The following PFKFB3 variants were observed in gnomAD, a reference collection of about 807,000 sequenced individuals.
PFKFB3 encodes the protein 6-phosphofructo-2-kinase/fructose-2,6-bisphosphatase 3.
A neutral mutation model predicts 68.0 loss-of-function variants in PFKFB3; 33 were observed. That is an observed-to-expected ratio of 0.49 (90% CI 0.37 to 0.65). PFKFB3 has a LOEUF of 0.65. Among genes scored for constraint, PFKFB3 ranks in the 30% least tolerant of loss-of-function variants. PFKFB3 has a pLI of 0.00. For missense variants in PFKFB3, 586 were observed against 712.2 expected, an observed-to-expected ratio of 0.82 and a Z score of 2.02; for synonymous variants, 315 against 288.2, an observed-to-expected ratio of 1.09 and a Z score of -0.94.
At chr10:6,286,013 T>C in the PFKFB3 span, among the ~76,000 whole-genome samples, 1 of 142,774 alleles carries the variant, frequency 7.0e-6, no homozygotes, top group African/African-American at 2.6e-5. Context: ...AGTCTCGCTC[T>C]GTCGCCCAGG....
intron 6 of PFKFB3, among the ~76,000 whole-genome samples, chr10:6,217,490 G>A (rs757039024): frequency 1.4e-4 from 22 of 152,256 alleles, no homozygotes; most frequent in Admixed American, 4.6e-4. Flanking sequence ...AGCTAGTGGT[G>A]ATGGAGCTGC....
intron 1 of PFKFB3, among the ~76,000 whole-genome samples, chr10:6,174,569 G>A (rs555013780): frequency 3.9e-5 from 6 of 152,244 alleles, no homozygotes; most frequent in East Asian, 1.9e-4. Context: ...CTTGTCAGGC[G>A]TGTTTCTGTT....
chr10:6,228,331 C>T lies in PFKFB3; in HGVS notation c.1515+1966C>T. 8.6e-7 allele frequency: 1 copy of T among 1,162,454 alleles called. No individual in the cohort carries two copies. Among genetic ancestry groups the T allele is most frequent in the Non-Finnish European group, 1.3e-6 (1 of 775,054 alleles). 72.0% of individuals were successfully genotyped at this position (1,162,454 alleles called of 1,614,324 possible). On this transcript the variant is annotated intron_variant, in intron 14 of 14. Transcript: ENST00000379775. The surrounding 1 kb of genome is among the most constrained non-coding windows in gnomAD (Gnocchi z 4.5). ...TGAGAGCAGTTTTGTGATGTGAGGT[C>T]TTCCGTGGGGGAAGGAGGAGATGGG... is the stretch of plus-strand genomic sequence containing the variant.
chr10:6,252,368 G>A (rs1846401350), intron 14 of PFKFB3, among the ~76,000 whole-genome samples: 1 of 152,100 alleles, frequency 6.6e-6, no homozygotes, highest in African/African-American at 2.4e-5. Context: ...GTATACTTGT[G>A]GATTAGTAAT....
chr10:6,212,677 G>A lies in PFKFB3; in HGVS notation c.77-946G>A, dbSNP rs1197052686. ...CTTCTAATTATTTTTTAATTTATTT[G>A]TTTGTAGAGGCAGGGCCTTGCTATG... On this transcript the variant is annotated intron_variant, in intron 1 of 14. Transcript: ENST00000379775. 2.0e-5 allele frequency among the ~76,000 whole-genome samples: 3 copies of A among 152,214 alleles called. No homozygotes were observed. In the East Asian group the frequency reaches 5.8e-4, roughly 29 times the overall value.
At chr10:6,298,471 C>G in the PFKFB3 span, among the ~76,000 whole-genome samples, 1 of 151,588 alleles carries the variant, frequency 6.6e-6, no homozygotes, top group African/African-American at 2.4e-5. Context: ...CTCCTGGGGT[C>G]AAGAGATCCT....
chr10:6,318,768 G>A, the PFKFB3 span, among the ~76,000 whole-genome samples: 1 of 152,198 alleles, frequency 6.6e-6, no homozygotes, highest in African/African-American at 2.4e-5. Flanking sequence ...TTCCCAGGAG[G>A]CAATCAGTCC....
the PFKFB3 span, among the ~76,000 whole-genome samples, chr10:6,301,903 T>C: frequency 6.6e-6 from 1 of 152,212 alleles, no homozygotes; most frequent in Non-Finnish European, 1.5e-5. Context: ...CTCTGATTAA[T>C]GACTAACCAA....
chr10:6,249,683 G>C (rs973286305), intron 14 of PFKFB3, among the ~76,000 whole-genome samples: 1 of 152,190 alleles, frequency 6.6e-6, no homozygotes, highest in Non-Finnish European at 1.5e-5. Flanking sequence ...ACAGAGGCTG[G>C]AGTATGGGAG....
At chr10:6,277,247 T>C in the PFKFB3 span, among the ~76,000 whole-genome samples, 1 of 151,942 alleles carries the variant, frequency 6.6e-6, no homozygotes, top group Non-Finnish European at 1.5e-5. Flanking sequence ...CTTTTCTTTT[T>C]TTTTGAGACA....
chr10:6,250,057 A>G (rs894689518), intron 14 of PFKFB3, among the ~76,000 whole-genome samples: 1 of 152,238 alleles, frequency 6.6e-6, no homozygotes, highest in African/African-American at 2.4e-5. Flanking sequence ...AGCATATTGC[A>G]TCAACCACCT....
intron 1 of PFKFB3, among the ~76,000 whole-genome samples, chr10:6,151,285 G>GGGGTTT (rs1361981763): frequency 6.6e-6 from 1 of 151,840 alleles, no homozygotes; most frequent in Non-Finnish European, 1.5e-5. Flanking sequence ...GAAGAGCAGC[G>GGGGTTT]GGGTTTGGTC....
intron 1 of PFKFB3, among the ~76,000 whole-genome samples, chr10:6,205,388 CTTTT>C (rs3084014): frequency 1.1e-3 from 118 of 106,514 alleles, no homozygotes; most frequent in African/African-American, 3.8e-3. Flanking sequence ...TTCTTTCTTC[CTTTT>C]TTTTTTTTTT....
At chr10:6,310,402 G>A in the PFKFB3 span, among the ~76,000 whole-genome samples, 5 of 152,062 alleles carry the variant, frequency 3.3e-5, no homozygotes, top group African/African-American at 7.2e-5. Flanking sequence ...CCAAAGCACA[G>A]AGCACAGAAA....
chr10:6,203,266 G>C lies in PFKFB3; in HGVS notation c.6G>C (p.Pro2=), dbSNP rs746264347. The stretch of plus-strand genomic sequence containing the variant: ...CGTCGGGCGCAGCCGCGAAGATGCC[G>C]TTGGAACTGACGCAGAGCCGAGTGC... M[P]LELTQSRVQK... Residue 2 remains proline (P), a synonymous_variant, in exon 1 of 15, where the codon CCG becomes CCC. Coordinates refer to ENST00000379775, the MANE Select transcript of PFKFB3 (RefSeq NM_004566.4). The C allele has an allele frequency of 1.2e-6, 2 of 1,610,022 alleles. No homozygotes were observed. Among genetic ancestry groups the C allele is most frequent in the Non-Finnish European group, 1.7e-6 (2 of 1,178,396 alleles).
At chr10:6,278,209 C>T in the PFKFB3 span, among the ~76,000 whole-genome samples, 1 of 152,022 alleles carries the variant, frequency 6.6e-6, no homozygotes, top group Non-Finnish European at 1.5e-5. Flanking sequence ...AGCCGCAGTG[C>T]CCGGCTAGTT....
At chr10:6,211,483 G>A (rs1339183378) in intron 1 of PFKFB3, among the ~76,000 whole-genome samples, 2 of 152,188 alleles carry the variant, frequency 1.3e-5, no homozygotes, top group East Asian at 3.9e-4. Flanking sequence ...GTCAGTGGAT[G>A]GGTATTGTTT....
At chr10:6,201,189 C>A (rs1843336061), upstream of PFKFB3, among the ~76,000 whole-genome samples, 1 of 152,074 alleles carries the variant, frequency 6.6e-6, no homozygotes, top group East Asian at 1.9e-4. This position sits in a 1 kb window ranked among gnomAD's most constrained non-coding sequence, Gnocchi z 4.1. Context: ...GTCCCGGTGG[C>A]GCGGGCGCTC....
At chr10:6,276,458 A>G in the PFKFB3 span, among the ~76,000 whole-genome samples, 5 of 151,952 alleles carry the variant, frequency 3.3e-5, no homozygotes, top group Non-Finnish European at 5.9e-5. Context: ...TGTATGGGAG[A>G]CTATCATTTA....
Sources: allele counts gnomAD v4.1 joint callset (sites outside exome capture counted in the v4.1 genomes callset), GRCh38; gene constraint gnomAD v4.1.1; non-coding constraint Gnocchi (gnomAD v3.1); transcripts MANE v1.5; gene names NCBI Gene and HGNC (gene_info 2026-07-23, HGNC 2026-07-21).